Variants in TMTC2 observed in about 807,000 individuals in gnomAD.
The protein encoded by TMTC2 is transmembrane O-mannosyltransferase targeting cadherins 2.
Under a neutral mutation model 82.4 loss-of-function variants are expected in TMTC2, and 43 were observed. The observed-to-expected ratio is 0.52, with a 90% CI of 0.41 to 0.67. The LOEUF is 0.67. Among genes scored for constraint, TMTC2 ranks in the 30% least tolerant of loss-of-function variants. The pLI is 0.00. For missense variants in TMTC2, 919 were observed against 1,012.4 expected (o/e 0.91, Z 1.25); for synonymous variants, 408 against 381.9 (o/e 1.07, Z -0.80).
In TMTC2 at chr12:83,072,084, C is replaced by T. The variant is rs564077278; in HGVS notation, c.2331+10253C>T. The stretch of plus-strand genomic sequence containing the variant: ...GTTTGTTCTTGTTTCTCTAATTCCT[C>T]GAGGTGTGACCTTAGATTGTCAATT... On this transcript the variant is annotated intron_variant, in intron 11 of 11. Coordinates refer to ENST00000321196, the MANE Select transcript of TMTC2 (RefSeq NM_152588.3). Among the ~76,000 whole-genome samples the T allele has an allele frequency of 2.7e-4, 41 of 152,072 alleles. 1 individual carries two copies. Among genetic ancestry groups the T allele is most frequent in the Non-Finnish European group, 4.3e-4 (29 of 67,984 alleles).
intron 11 of TMTC2, among the ~76,000 whole-genome samples, chr12:83,112,826 T>C (rs550533050): frequency 6.6e-6 from 1 of 152,316 alleles, no homozygotes; most frequent in South Asian, 2.1e-4. Flanking sequence ...TATTTCAAGG[T>C]TGTTTCATTG....
At chr12:83,125,071 TA>T (rs1885062809) in intron 11 of TMTC2, among the ~76,000 whole-genome samples, 1 of 152,196 alleles carries the variant, frequency 6.6e-6, no homozygotes, top group Non-Finnish European at 1.5e-5. Flanking sequence ...CTATAAAGGT[TA>T]TTCTGCATGC....
At chr12:82,709,536 C>A (rs569343458) in intron 1 of TMTC2, among the ~76,000 whole-genome samples, 9 of 152,164 alleles carry the variant, frequency 5.9e-5, no homozygotes, top group African/African-American at 2.2e-4. Flanking sequence ...TACTTAAAAA[C>A]AAAACCCCAA....
intron 1 of TMTC2, among the ~76,000 whole-genome samples, chr12:82,723,350 TGTTA>T (rs1246811085): frequency 5.3e-5 from 8 of 152,204 alleles, no homozygotes; most frequent in African/African-American, 1.7e-4. Context: ...TTCTGAGCCC[TGTTA>T]GTTATGGTTA....
intron 11 of TMTC2, among the ~76,000 whole-genome samples, chr12:83,097,625 G>T (rs957692541): frequency 6.6e-6 from 1 of 152,124 alleles, no homozygotes; most frequent in Non-Finnish European, 1.5e-5. Context: ...TATTCTGAGG[G>T]TAGAGAGACA....
chr12:83,115,520 T>A (rs1375893535), intron 11 of TMTC2, among the ~76,000 whole-genome samples: 1 of 152,242 alleles, frequency 6.6e-6, no homozygotes, highest in African/African-American at 2.4e-5. Flanking sequence ...ATAGAACTTT[T>A]ATTTAGCAGT....
chr12:82,985,997 C>T lies in TMTC2; in HGVS notation c.2021C>T (p.Thr674Ile). 1 of 1,614,048 alleles carries T rather than the reference C, an allele frequency of 6.2e-7. No homozygotes were observed. ...HWYMESLRSKTDHIPAHLTYG... is the reference protein window; with the variant it reads ...HWYMESLRSKIDHIPAHLTYG... ...TATATGGAATCACTGAGATCCAAGA[C>T]TGACCACATCCCTGCTCATCTCACC... Residue 674 changes from threonine to isoleucine, a missense_variant, in exon 8 of 12, where the codon ACT (threonine) becomes ATT (isoleucine). Physicochemically the swap from Thr to Ile is moderately conservative, Grantham distance 89. Transcript: ENST00000321196.
At chr12:82,877,645 A>G (rs1011773139) in intron 2 of TMTC2, among the ~76,000 whole-genome samples, 9 of 152,080 alleles carry the variant, frequency 5.9e-5, no homozygotes, top group Non-Finnish European at 8.8e-5. Context: ...TTATAACACT[A>G]TATTCTTCTC....
rs568294265 is a variant in TMTC2, at chr12:82,897,857, T to C, written c.1483+1211T>C. ...ATTCTTTAAATTATGTTTGCTGATA[T>C]AGCATTTGAACTGGCATTTTTCTAC... On this transcript the variant is annotated intron_variant, in intron 3 of 11. Transcript: ENST00000321196. Among the ~76,000 whole-genome samples the C allele has an allele frequency of 5.3e-5, 8 of 152,284 alleles. No homozygotes were observed. The South Asian group carries it at 6.2e-4, about 12-fold the overall frequency.
At chr12:82,840,644 A>G (rs1198024008) in intron 1 of TMTC2, among the ~76,000 whole-genome samples, 3 of 152,208 alleles carry the variant, frequency 2.0e-5, no homozygotes, top group African/African-American at 7.2e-5. Context: ...TGCAGAGGTT[A>G]TCTGATGTAG....
chr12:82,938,607 C>G (rs1171684650), intron 4 of TMTC2, among the ~76,000 whole-genome samples: 2 of 152,134 alleles, frequency 1.3e-5, no homozygotes, highest in East Asian at 3.9e-4. Flanking sequence ...ATGCTGTTGG[C>G]TTGAGGTCAC....
At chr12:83,017,101 G>A (rs1682584) in intron 8 of TMTC2, among the ~76,000 whole-genome samples, 116,637 of 152,114 alleles carry the variant, frequency 0.77, 46,251 homozygotes, top group South Asian at 0.93. Flanking sequence ...CATGGTCTCC[G>A]GCTCTGAAAG....
intron 1 of TMTC2, among the ~76,000 whole-genome samples, chr12:82,738,423 A>C (rs186367216): frequency 1.3e-5 from 2 of 152,302 alleles, no homozygotes; most frequent in Admixed American, 1.3e-4. Context: ...GTGCCTTTTA[A>C]ATTTTATGAT....
At chr12:83,049,650 C>T (rs568925654) in intron 9 of TMTC2, among the ~76,000 whole-genome samples, 1 of 152,050 alleles carries the variant, frequency 6.6e-6, no homozygotes, top group South Asian at 2.1e-4. Flanking sequence ...TATGATAGAA[C>T]GATTTCTATT....
At chr12:82,826,780 A>G (rs142206465) in intron 1 of TMTC2, among the ~76,000 whole-genome samples, 2 of 152,322 alleles carry the variant, frequency 1.3e-5, no homozygotes, top group East Asian at 3.9e-4. Flanking sequence ...CTAACTGAAG[A>G]TTGGAATGTC....
Position 82,896,411 on chromosome 12 carries a change from CT to C in TMTC2, c.1251del (p.Phe417LeufsTer2). 6.2e-7 allele frequency: 1 copy of C among 1,614,140 alleles called. No individual in the cohort carries two copies. Among genetic ancestry groups the C allele is most frequent in the Non-Finnish European group, 8.5e-7 (1 of 1,180,032 alleles). On this transcript the variant is annotated frameshift_variant, in exon 3 of 12. Transcript: ENST00000321196. LOFTEE classifies it high-confidence loss of function. The part of the protein sequence containing the change: ...PATNLFFYVG[F>X]VIAERVLYIP... ...CCACGAACCTGTTTTTCTATGTCGGCTTTGTAATTGCAGAGCGAGTATTATA... is the reference window on the plus strand; with the variant it reads ...CCACGAACCTGTTTTTCTATGTCGGCTTGTAATTGCAGAGCGAGTATTATA...
chr12:82,693,340 A>G (rs1028960622), intron 1 of TMTC2, among the ~76,000 whole-genome samples: 1 of 152,174 alleles, frequency 6.6e-6, no homozygotes. Context: ...CATGATTGGT[A>G]CTTTGGCCTG....
intron 1 of TMTC2, among the ~76,000 whole-genome samples, chr12:82,852,268 AT>A (rs1871018892): frequency 6.6e-6 from 1 of 151,610 alleles, no homozygotes; most frequent in African/African-American, 2.4e-5. Flanking sequence ...CGCCCGGCTA[AT>A]TTTGTGTGTG....
chr12:82,687,612 C>T lies in TMTC2; in HGVS notation c.26C>T (p.Ala9Val), dbSNP rs764398918. 2.5e-6 allele frequency: 4 copies of T among 1,602,562 alleles called. No individual in the cohort carries two copies. The highest frequency in any genetic ancestry group is 1.7e-5 in the Admixed American group (1 of 57,528). The change falls in exon 1 of 12, where the codon GCT becomes GTT. Residue 9 changes from alanine (A) to valine (V), a missense_variant. Coordinates refer to ENST00000321196, the MANE Select transcript of TMTC2 (RefSeq NM_152588.3). ...ATGATTGCAGAGTTGGTGAGCAGCG[C>T]TCTGGGGCTCGCCTTGTATCTCAAC... is the stretch of plus-strand genomic sequence containing the variant. MIAELVSS[A>V]LGLALYLNTL...
Sources: gnomAD v4.1 joint callset for allele counts (sites outside exome capture counted in the v4.1 genomes callset) on GRCh38, gnomAD v4.1.1 for gene constraint, MANE v1.5 for transcripts, NCBI Gene and HGNC (gene_info 2026-07-23, HGNC 2026-07-21) for gene names.